Variants in PPIL6 observed in about 807,000 individuals in gnomAD.
PPIL6 encodes probable inactive peptidyl-prolyl cis-trans isomerase-like 6.
A neutral mutation model predicts 36.8 loss-of-function variants in PPIL6; 39 were observed. The observed-to-expected ratio is 1.06, with a 90% CI of 0.82 to 1.38. The LOEUF (loss-of-function observed/expected upper bound fraction) is 1.38, where lower values mean the gene tolerates loss of function less well. PPIL6 is among the 40% of genes most tolerant of loss of function. PPIL6 has a pLI of 0.00. For missense variants in PPIL6, 368 were observed against 379.1 expected, an observed-to-expected ratio of 0.97 and a Z score of 0.24; for synonymous variants, 123 against 134.1, an observed-to-expected ratio of 0.92 and a Z score of 0.57.
chr6:109,436,291 T>G (rs1774444827), intron 1 of PPIL6, 92 bp from the exon 2 acceptor site: 2 of 753,456 alleles, frequency 2.7e-6, no homozygotes, highest in Non-Finnish European at 4.6e-6. Context: ...TCCAGAAGTT[T>G]TATACAACAC....
intron 1 of PPIL6, among the ~76,000 whole-genome samples, chr6:109,436,703 A>G (rs1774466001): frequency 6.6e-6 from 1 of 152,218 alleles, no homozygotes; most frequent in East Asian, 1.9e-4. Context: ...CCTGGGTGAC[A>G]GAGTGGGACT....
chr6:109,412,858 A>T (rs1027647338), intron 6 of PPIL6, among the ~76,000 whole-genome samples: 3 of 152,200 alleles, frequency 2.0e-5, no homozygotes, highest in Non-Finnish European at 4.4e-5. Context: ...ACAACAAAGG[A>T]AACAACAAAG....
At chr6:109,405,087 CT>C in intron 6 of PPIL6, 1 of 387,936 alleles carries the variant, frequency 2.6e-6, no homozygotes, top group South Asian at 1.9e-5. Flanking sequence ...TTTTCATAAC[CT>C]TTTCATTTTA....
chr6:109,392,737 A>G lies in PPIL6; in HGVS notation c.*89T>C. ...CAGTGTCTGCCACGGCTTTCAAATT[A>G]CAATTTATCAAGTACTTTTTAATTA... On this transcript the variant is annotated 3_prime_UTR_variant, in exon 8 of 8. Coordinates refer to ENST00000521072, the MANE Select transcript of PPIL6 (RefSeq NM_173672.5). 1.2e-6 allele frequency: 1 copy of G among 828,082 alleles called. No homozygotes were observed. Among genetic ancestry groups the G allele is most frequent in the Non-Finnish European group, 1.9e-6 (1 of 521,364 alleles). 51.3% of individuals were successfully genotyped at this position (828,082 alleles called of 1,614,324 possible).
intron 7 of PPIL6, 79 bp downstream of exon 7, chr6:109,399,956 T>C (rs1380429710): frequency 2.4e-6 from 3 of 1,246,684 alleles, no homozygotes; most frequent in Non-Finnish European, 3.4e-6. Flanking sequence ...ATACACTATA[T>C]ACAATACTTA....
upstream of PPIL6, chr6:109,441,150 G>C (rs1232137635): frequency 6.2e-7 from 1 of 1,614,176 alleles, no homozygotes. Flanking sequence ...CTGCGACTGC[G>C]GATCTTCAAC....
chr6:109,413,625 G>T lies in PPIL6; in HGVS notation c.688+5562C>A, dbSNP rs1419107754. Among the ~76,000 whole-genome samples the T allele has an allele frequency of 1.5e-4, 23 of 152,174 alleles. No homozygotes were observed. Among genetic ancestry groups the T allele is most frequent in the Admixed American group, 1.5e-3 (23 of 15,276 alleles). The stretch of plus-strand genomic sequence containing the variant: ...CTCACTGCTGGGTATATACCCAAAA[G>T]AAAGGAAATCATTATATCAAAGAGA... On this transcript the variant is annotated intron_variant, in intron 6 of 7. Coordinates refer to ENST00000521072, the MANE Select transcript of PPIL6 (RefSeq NM_173672.5). The surrounding 1 kb of genome is among the most constrained non-coding windows in gnomAD (Gnocchi z 4.6).
rs1310108120 is a variant in PPIL6 at position 109,431,178 on chromosome 6, A to G, written c.399T>C (p.Ala133=). 1.2e-6 allele frequency: 2 copies of G among 1,609,954 alleles called. No homozygotes were observed. The highest frequency in any genetic ancestry group is 1.7e-6 in the Non-Finnish European group (2 of 1,177,746). Residue 133 remains alanine, a synonymous_variant, in exon 3 of 8, where the codon GCT becomes GCC. Coordinates refer to ENST00000521072, the MANE Select transcript of PPIL6 (RefSeq NM_173672.5). ...TTGCCTTGGTGTCTCTTAAGAACTT[A>G]GCGGAAAAATCCTCAGTGAGTGCGT... ...LYDALTEDFS[A]KFLRDTKHDF...
intron 5 of PPIL6, among the ~76,000 whole-genome samples, chr6:109,425,879 A>G (rs983574478): frequency 1.3e-5 from 2 of 152,230 alleles, no homozygotes; most frequent in Non-Finnish European, 2.9e-5. Flanking sequence ...AACAAAAAAT[A>G]GAAAACCATC....
Position 109,421,674 on chromosome 6 carries a change from C to T in PPIL6, c.632-2431G>A, listed in dbSNP as rs576190314. 4.6e-5 allele frequency among the ~76,000 whole-genome samples: 7 copies of T among 152,236 alleles called. 1 individual carries two copies. The South Asian group carries it at 8.3e-4, about 18-fold the overall frequency. On this transcript the variant is annotated intron_variant, in intron 5 of 7. Coordinates refer to ENST00000521072, the MANE Select transcript of PPIL6 (RefSeq NM_173672.5). ...AAACGTCTTATGAATAGAGGAAATG[C>T]GGTAAGGGCCTTTGGTGTTCTAGTT...
intron 5 of PPIL6, among the ~76,000 whole-genome samples, chr6:109,420,857 A>T (rs1419941013): frequency 1.3e-5 from 2 of 152,250 alleles, no homozygotes; most frequent in African/African-American, 4.8e-5. Flanking sequence ...GCCATGCAGC[A>T]TTTAAATTAT....
rs1772061464 is a variant in PPIL6, at chr6:109,390,588, G to A, written c.*2238C>T. On this transcript the variant is annotated 3_prime_UTR_variant, in exon 8 of 8. Transcript: ENST00000521072. ...AAGGAAAAGCAAATGCCAGTTGTCA[G>A]GAGTTAGGGATGGCAGAGGGCAGGG... The A allele has an allele frequency of 6.6e-6, 1 of 152,318 alleles. No individual in the cohort carries two copies. The highest frequency in any genetic ancestry group is 2.4e-5 in the African/African-American group (1 of 41,448). The allele number at this position is 152,318 out of a possible 1,614,324, so 9.4% of individuals were successfully genotyped here.
intron 1 of PPIL6, among the ~76,000 whole-genome samples, chr6:109,438,262 A>G (rs1227739350): frequency 6.6e-6 from 1 of 151,944 alleles, no homozygotes; most frequent in Non-Finnish European, 1.5e-5. Flanking sequence ...TGTTAGGAAT[A>G]CATTCAGATA....
intron 3 of PPIL6, among the ~76,000 whole-genome samples, chr6:109,429,197 C>T (rs189789702): frequency 9.8e-5 from 15 of 152,296 alleles, no homozygotes; most frequent in East Asian, 5.8e-4. Flanking sequence ...CTCACTGCCA[C>T]GAATTATTTC....
At chr6:109,440,854 G>C, upstream of PPIL6, 1 of 510,436 alleles carries the variant, frequency 2.0e-6, no homozygotes, top group South Asian at 2.6e-5. Context: ...GTCCTAGCGC[G>C]CGGCCCTTAC....
At chr6:109,411,120 T>C (rs1772996546) in intron 6 of PPIL6, among the ~76,000 whole-genome samples, 1 of 152,152 alleles carries the variant, frequency 6.6e-6, no homozygotes, top group Non-Finnish European at 1.5e-5. Context: ...CAGAGGTGAA[T>C]GTATGCTGGC....
chr6:109,437,661 TCTC>T lies in PPIL6; in HGVS notation c.136-1465_136-1463del, dbSNP rs1403382114. On this transcript the variant is annotated intron_variant, in intron 1 of 7. Coordinates refer to ENST00000521072, the MANE Select transcript of PPIL6 (RefSeq NM_173672.5). ...CCTCCGTCTCCTGGGTTCAAGCAAT[TCTC>T]CTACCTCAGCCTCCCAAGTAGCTGG... is the stretch of plus-strand genomic sequence containing the variant. 2.0e-5 allele frequency among the ~76,000 whole-genome samples: 3 copies of T among 151,288 alleles called. No homozygotes were observed. The East Asian group carries it at 5.9e-4, about 30-fold the overall frequency.
rs754198958 is a variant in PPIL6, at chr6:109,426,922, G to A, written c.556C>T (p.Gln186Ter). The A allele has an allele frequency of 6.2e-7, 1 of 1,608,148 alleles. No homozygotes were observed. ...VLCTGKAGFS[Q>*]RGIRLHYKNS... ...TTGTAATGTAGTCTTATGCCACGTTGAGAAAACCCTGCTTTTCCTGTGCAC... is the reference window on the plus strand; with the variant it reads ...TTGTAATGTAGTCTTATGCCACGTTAAGAAAACCCTGCTTTTCCTGTGCAC... The change falls in exon 5 of 8, where the codon CAA (glutamine) becomes TAA (stop). Residue 186 changes from glutamine (Q) to a stop codon, truncating the protein, a stop_gained. Transcript: ENST00000521072. LOFTEE classifies it high-confidence loss of function.
intron 6 of PPIL6, among the ~76,000 whole-genome samples, chr6:109,411,002 G>T (rs981943629): frequency 6.6e-6 from 1 of 152,154 alleles, no homozygotes; most frequent in Non-Finnish European, 1.5e-5. Flanking sequence ...GCTCATTTTT[G>T]TTTGTGGCAT....
Sources: gnomAD v4.1 joint callset for allele counts (sites outside exome capture counted in the v4.1 genomes callset) on GRCh38, gnomAD v4.1.1 for gene constraint, Gnocchi (gnomAD v3.1) non-coding constraint, MANE v1.5 for transcripts, NCBI Gene and HGNC (gene_info 2026-07-23, HGNC 2026-07-21) for gene names.